GSE1: variants seen among roughly 807,000 people sequenced by gnomAD.
GSE1 encodes the protein Gse1 coiled-coil protein, also known as genetic suppressor element 1.
In GSE1, 32 loss-of-function variants were observed where a neutral mutation model predicts 112.6. That is an observed-to-expected ratio of 0.28 (90% CI 0.21 to 0.38). The LOEUF (loss-of-function observed/expected upper bound fraction) is 0.38, where lower values mean the gene tolerates loss of function less well. Ranked by LOEUF, GSE1 falls within the 10% of genes least tolerant of loss-of-function variation. The probability of loss-of-function intolerance (pLI) is 1.00; values close to 1 mark genes in which losing one functional copy is unlikely to be tolerated. For synonymous variants in GSE1, 1,115 were observed against 735.6 expected (o/e 1.52, Z -8.35); for missense variants, 2,348 against 1,699.2 (o/e 1.38, Z -6.71).
chr16:85,295,750 C>G (rs2045347901), intron 1 of GSE1, among the ~76,000 whole-genome samples: 1 of 150,208 alleles, frequency 6.7e-6, no homozygotes, highest in Non-Finnish European at 1.5e-5. Flanking sequence ...TTCCCATGGA[C>G]AACTGGCTAA....
At chr16:85,322,805 G>A (rs1255804145) in intron 1 of GSE1, among the ~76,000 whole-genome samples, 1 of 151,946 alleles carries the variant, frequency 6.6e-6, no homozygotes, top group African/African-American at 2.4e-5. Context: ...TAGTAGAGAG[G>A]GGGTTTCACC....
chr16:85,551,441 T>C (rs1598148769), upstream of GSE1, among the ~76,000 whole-genome samples: 1 of 152,122 alleles, frequency 6.6e-6, no homozygotes, highest in East Asian at 1.9e-4. Flanking sequence ...TAGTGATGGG[T>C]TCCAAAAGCC....
In GSE1 at chr16:85,654,860, C is replaced by T. The variant is rs377223229; in HGVS notation, c.666C>T (p.Phe222=). The T allele has an allele frequency of 4.8e-5, 77 of 1,612,012 alleles. No homozygotes were observed. Among genetic ancestry groups the T allele is most frequent in the Admixed American group, 3.5e-4 (21 of 59,994 alleles). ...TGACCGAGGACTACCTGAGAAGCTT[C>T]CGGCCCTACCACACCACCGACGACC... The part of the protein sequence containing the change: ...STVTEDYLRS[F]RPYHTTDDLR... The change falls in exon 5 of 16, where the codon TTC becomes TTT. Residue 222 remains phenylalanine, a synonymous_variant. Transcript: ENST00000253458.
chr16:85,367,330 G>A (rs765188617), intron 2 of GSE1, among the ~76,000 whole-genome samples: 2 of 152,200 alleles, frequency 1.3e-5, no homozygotes, highest in African/African-American at 2.4e-5. Flanking sequence ...CTACAATGCC[G>A]TATGTGTGCC....
At chr16:85,647,531 C>A (rs2050974576) in intron 2 of GSE1, among the ~76,000 whole-genome samples, 1 of 152,190 alleles carries the variant, frequency 6.6e-6, no homozygotes. Flanking sequence ...TTTGGGCTTC[C>A]TCAGCCACCA....
chr16:85,325,838 C>A (rs967351989), intron 1 of GSE1, among the ~76,000 whole-genome samples: 1 of 151,574 alleles, frequency 6.6e-6, no homozygotes. Flanking sequence ...CTCACTGCAA[C>A]CTCCGCCTCC....
chr16:85,635,272 T>C (rs117140971), intron 2 of GSE1, among the ~76,000 whole-genome samples: 3,793 of 152,086 alleles, frequency 0.025, 76 homozygotes, highest in Non-Finnish European at 0.04. Flanking sequence ...GGGAGGCCCG[T>C]TGGGGTCTGG....
intron 1 of GSE1, among the ~76,000 whole-genome samples, chr16:85,223,804 C>A (rs148005734): frequency 0.011 from 1,714 of 151,922 alleles, 30 homozygotes; most frequent in African/African-American, 0.04. Context: ...GGGGTTTCAC[C>A]ATGTTGGCCA....
intron 1 of GSE1, among the ~76,000 whole-genome samples, chr16:85,345,706 T>C (rs1328204061): frequency 6.6e-6 from 1 of 152,238 alleles, no homozygotes; most frequent in Non-Finnish European, 1.5e-5. Flanking sequence ...AACAGTTTGT[T>C]TATTCATACT....
In GSE1 at chr16:85,674,702, G is replaced by C. The variant is rs1251660742; in HGVS notation, c.*2163G>C. The C allele has an allele frequency of 6.6e-6, 1 of 152,266 alleles. No individual in the cohort carries two copies. Among genetic ancestry groups the C allele is most frequent in the Non-Finnish European group, 1.5e-5 (1 of 68,058 alleles). The allele number at this position is 152,266 out of a possible 1,614,324, so 9.4% of individuals were successfully genotyped here. On this transcript the variant is annotated 3_prime_UTR_variant, in exon 16 of 16. Transcript: ENST00000253458. ...ACGTAGCTCATCCCTTACCATCCAA[G>C]GGGCACTCCCTTGGTTGGATTTTCT...
intron 2 of GSE1, among the ~76,000 whole-genome samples, chr16:85,375,578 G>A (rs764319379): frequency 1.2e-4 from 19 of 152,324 alleles, no homozygotes; most frequent in Non-Finnish European, 2.5e-4. Flanking sequence ...GGCTTAAGCG[G>A]TGGGTTTGCT....
chr16:85,627,551 C>T (rs935296980), intron 1 of GSE1, among the ~76,000 whole-genome samples: 12 of 151,678 alleles, frequency 7.9e-5, no homozygotes, highest in South Asian at 4.2e-4. Flanking sequence ...TCCAGAGCAG[C>T]ACGTGATGTA....
At chr16:85,653,897 C>T (rs987012963) in intron 3 of GSE1, among the ~76,000 whole-genome samples, 6 of 152,284 alleles carry the variant, frequency 3.9e-5, no homozygotes, top group African/African-American at 7.2e-5. Context: ...TCTGCTTCCC[C>T]GGGTGTGTGT....
At chr16:85,614,343 A>G (rs1405096020) in intron 1 of GSE1, among the ~76,000 whole-genome samples, 2 of 151,902 alleles carry the variant, frequency 1.3e-5, no homozygotes, top group Non-Finnish European at 2.9e-5. Flanking sequence ...CCTCTCTAGC[A>G]GGCTAATTAA....
At chr16:85,302,813 C>T (rs1471191559) in intron 1 of GSE1, among the ~76,000 whole-genome samples, 3 of 152,186 alleles carry the variant, frequency 2.0e-5, no homozygotes, top group South Asian at 2.1e-4. Flanking sequence ...GTGTGCTGGG[C>T]AGGGTGGGTG....
At chr16:85,220,628 TGCCCGC>T (rs2075374302) in intron 1 of GSE1, among the ~76,000 whole-genome samples, 1 of 152,164 alleles carries the variant, frequency 6.6e-6, no homozygotes, top group Non-Finnish European at 1.5e-5. Flanking sequence ...TGCCCGCTGC[TGCCCGC>T]TGCTGCCCGC....
At chr16:85,527,048 C>G (rs1268812813) in intron 2 of GSE1, among the ~76,000 whole-genome samples, 1 of 152,196 alleles carries the variant, frequency 6.6e-6, no homozygotes, top group Non-Finnish European at 1.5e-5. Context: ...GAGGGGGTGG[C>G]CCTCTCCCTG....
In GSE1 at chr16:85,485,597, A is replaced by G. The variant is rs186003411; in HGVS notation, c.2464+127954A>G. Among the ~76,000 whole-genome samples, 642 of 152,334 alleles carry G rather than the reference A, an allele frequency of 4.2e-3. 6 individuals are homozygous for G. The highest frequency in any genetic ancestry group is 6.7e-3 in the Non-Finnish European group (457 of 68,014). ...CGTTAAGGACAGATGGATTACAGCT[A>G]ATGAGCCTGCTCGCACCATTAGCAC... is the stretch of plus-strand genomic sequence containing the variant. On this transcript the variant is annotated intron_variant, in intron 2 of 2. Transcript: ENST00000637419.
At chr16:85,488,945 C>A (rs1406356852) in intron 2 of GSE1, among the ~76,000 whole-genome samples, 1 of 152,028 alleles carries the variant, frequency 6.6e-6, no homozygotes, top group Non-Finnish European at 1.5e-5. Flanking sequence ...ACAGCCCTGG[C>A]CTTTCGTTTT....
Sources: allele counts gnomAD v4.1 joint callset (sites outside exome capture counted in the v4.1 genomes callset), GRCh38; gene constraint gnomAD v4.1.1; transcripts MANE v1.5; gene names NCBI Gene and HGNC (gene_info 2026-07-23, HGNC 2026-07-21).